COL28A1: variants seen among roughly 807,000 people sequenced by gnomAD.
The protein encoded by COL28A1 is collagen alpha-1(XXVIII) chain.
In COL28A1, 161 loss-of-function variants were observed where a neutral mutation model predicts 150.2. The ratio of observed to expected loss-of-function variants is 1.07; its 90% CI spans 0.94 to 1.22. COL28A1 has a LOEUF of 1.22. Among genes scored for constraint, COL28A1 ranks in the 50% most tolerant of loss-of-function variants. COL28A1 has a pLI of 0.00. For missense variants in COL28A1, 1,617 were observed against 1,388.3 expected, an observed-to-expected ratio of 1.16 and a Z score of -2.62; for synonymous variants, 552 against 469.7, an observed-to-expected ratio of 1.18 and a Z score of -2.26.
chr7:7,475,595 G>A (rs998822103), intron 14 of COL28A1, among the ~76,000 whole-genome samples: 4 of 152,114 alleles, frequency 2.6e-5, no homozygotes, highest in Admixed American at 6.6e-5. Flanking sequence ...TGTTGAACCT[G>A]TCACTATGAA....
At chr7:7,428,969 C>T (rs1413298485) in intron 25 of COL28A1, among the ~76,000 whole-genome samples, 1 of 152,182 alleles carries the variant, frequency 6.6e-6, no homozygotes, top group Non-Finnish European at 1.5e-5. Flanking sequence ...TAGATGTCAG[C>T]AACTGCTTTT....
At chr7:7,425,566 T>C (rs1332486443) in intron 25 of COL28A1, among the ~76,000 whole-genome samples, 1 of 152,226 alleles carries the variant, frequency 6.6e-6, no homozygotes, top group Non-Finnish European at 1.5e-5. Flanking sequence ...ATGTGTTAAT[T>C]GACTTCATTC....
chr7:7,495,066 T>G (rs1206221867), intron 11 of COL28A1, among the ~76,000 whole-genome samples: 1 of 152,230 alleles, frequency 6.6e-6, no homozygotes, highest in East Asian at 1.9e-4. Context: ...CCAATGCAAG[T>G]AGACAGCGAG....
intron 15 of COL28A1, 82 bp downstream of exon 15, chr7:7,474,519 T>A: frequency 1.4e-6 from 1 of 712,108 alleles, no homozygotes; most frequent in Non-Finnish European, 2.5e-6. Flanking sequence ...TTGTCATGTA[T>A]ACAGTTCAGA....
At chr7:7,503,272 C>T (rs1780634156) in intron 11 of COL28A1, among the ~76,000 whole-genome samples, 1 of 151,584 alleles carries the variant, frequency 6.6e-6, no homozygotes, top group African/African-American at 2.4e-5. Context: ...ACTCTTTGTG[C>T]CTTAGTAGAC....
intron 27 of COL28A1, among the ~76,000 whole-genome samples, chr7:7,412,086 C>A (rs567848408): frequency 1.3e-5 from 2 of 152,244 alleles, no homozygotes; most frequent in African/African-American, 4.8e-5. Flanking sequence ...AGCATGACTA[C>A]CTTTCCAAGC....
rs76576618 is a variant in COL28A1 at position 7,404,359 on chromosome 7, G to A, written c.2136+13500C>T. 4.2e-3 allele frequency among the ~76,000 whole-genome samples: 631 copies of A among 151,772 alleles called. 3 individuals carry two copies. Among genetic ancestry groups the A allele is most frequent in the African/African-American group, 0.014 (593 of 41,450 alleles). On this transcript the variant is annotated intron_variant, in intron 27 of 34. Transcript: ENST00000399429. ...GTAAGTCAGACCATATCATGCTGTT[G>A]GTCGAATCCCAGCAAATGGCTCCCC...
chr7:7,497,053 G>A (rs948603777), intron 11 of COL28A1, among the ~76,000 whole-genome samples: 21 of 148,634 alleles, frequency 1.4e-4, no homozygotes, highest in African/African-American at 5.2e-4. Context: ...GAGGGAGGGA[G>A]GGAGGGAAGA....
At chr7:7,474,760 A>G (rs1353508792) in intron 14 of COL28A1, 91 bp from the exon 15 acceptor site, 1 of 749,006 alleles carries the variant, frequency 1.3e-6, no homozygotes, top group Non-Finnish European at 2.3e-6. Flanking sequence ...TGTGCTTCAA[A>G]ATTATTTTTT....
At chr7:7,478,941 G>C (rs922770418) in intron 13 of COL28A1, among the ~76,000 whole-genome samples, 2 of 152,362 alleles carry the variant, frequency 1.3e-5, no homozygotes, top group Admixed American at 6.5e-5. Context: ...CTCCCCGCAG[G>C]CTGAGGGAGC....
chr7:7,470,675 G>A (rs1324818758), intron 15 of COL28A1, among the ~76,000 whole-genome samples: 5 of 73,774 alleles, frequency 6.8e-5, no homozygotes, highest in Admixed American at 1.6e-4. Flanking sequence ...TGTTTATTGC[G>A]GCACTATTCA....
At chr7:7,442,745 A>G (rs1258443403) in intron 20 of COL28A1, among the ~76,000 whole-genome samples, 1 of 152,204 alleles carries the variant, frequency 6.6e-6, no homozygotes, top group Admixed American at 6.5e-5. Context: ...ACACATAAAA[A>G]TAGAAAGAAG....
Position 7,395,865 on chromosome 7 carries a change from G to A in COL28A1, c.2137-14253C>T, listed in dbSNP as rs1782804212. Among the ~76,000 whole-genome samples, 3 of 152,146 alleles carry A rather than the reference G, an allele frequency of 2.0e-5. No homozygotes were observed. The South Asian group carries it at 6.2e-4, about 32-fold the overall frequency. ...TTCTAATTACGTTATTGCTAATTAG[G>A]AACCGGGGGAACTGTACATTTTGAA... On this transcript the variant is annotated intron_variant, in intron 27 of 34. Coordinates refer to ENST00000399429, the MANE Select transcript of COL28A1 (RefSeq NM_001037763.3).
intron 30 of COL28A1, among the ~76,000 whole-genome samples, chr7:7,377,993 A>C (rs1583246196): frequency 6.6e-6 from 1 of 152,020 alleles, no homozygotes; most frequent in Admixed American, 6.5e-5. Flanking sequence ...GAGAGGCAGG[A>C]GTGGGATAGG....
At chr7:7,380,936 G>T (rs1401848981) in intron 28 of COL28A1, 74 bp from the exon 29 acceptor site, 1 of 1,316,712 alleles carries the variant, frequency 7.6e-7, no homozygotes. Context: ...TCTATAATTT[G>T]GTTATCTGCA....
At chr7:7,518,761 T>C (rs951874905) in intron 6 of COL28A1, among the ~76,000 whole-genome samples, 2 of 152,198 alleles carry the variant, frequency 1.3e-5, no homozygotes, top group African/African-American at 4.8e-5. Context: ...CAAAAACAAA[T>C]GATGTGAACT....
the COL28A1 span, among the ~76,000 whole-genome samples, chr7:7,345,991 ATT>A: frequency 6.6e-6 from 1 of 151,990 alleles, no homozygotes; most frequent in East Asian, 1.9e-4. Flanking sequence ...TGCAGTCATT[ATT>A]TTTTTGGTAG....
chr7:7,369,450 T>C (rs1235343097), intron 33 of COL28A1, among the ~76,000 whole-genome samples: 1 of 152,242 alleles, frequency 6.6e-6, no homozygotes, highest in African/African-American at 2.4e-5. Context: ...TCAAATTACC[T>C]GAAAATCCAA....
intron 3 of COL28A1, among the ~76,000 whole-genome samples, chr7:7,526,149 C>T (rs980872100): frequency 5.3e-5 from 8 of 152,232 alleles, no homozygotes; most frequent in African/African-American, 9.6e-5. Context: ...TGCTTTATCA[C>T]GAGGCTGCCA....
Sources: gnomAD v4.1 joint callset for allele counts (sites outside exome capture counted in the v4.1 genomes callset) on GRCh38, gnomAD v4.1.1 for gene constraint, MANE v1.5 for transcripts, NCBI Gene and HGNC (gene_info 2026-07-23, HGNC 2026-07-21) for gene names.